Variants in MRPS35 observed in about 807,000 individuals in gnomAD.
MRPS35 encodes mitochondrial ribosomal protein S35, also known as small ribosomal subunit protein mS35.
In MRPS35, 29 loss-of-function variants were observed where a neutral mutation model predicts 32.7. The ratio of observed to expected loss-of-function variants is 0.89; its 90% CI spans 0.66 to 1.21. The LOEUF (loss-of-function observed/expected upper bound fraction) is 1.21, where lower values mean the gene tolerates loss of function less well. Among genes scored for constraint, MRPS35 ranks in the 50% most tolerant of loss-of-function variants. The pLI is 0.00. For synonymous variants in MRPS35, 148 were observed against 139.3 expected (o/e 1.06, Z -0.44); for missense variants, 373 against 383.8 (o/e 0.97, Z 0.23).
chr12:27,748,861 G>A (rs767842124), intron 7 of MRPS35, among the ~76,000 whole-genome samples: 2 of 152,070 alleles, frequency 1.3e-5, no homozygotes, highest in African/African-American at 2.4e-5. Context: ...GAGCTAAAAT[G>A]TTGATAGTAG....
intron 7 of MRPS35, among the ~76,000 whole-genome samples, chr12:27,754,422 T>G (rs1238840544): frequency 6.6e-6 from 1 of 152,172 alleles, no homozygotes; most frequent in African/African-American, 2.4e-5. Context: ...CTCATTATTT[T>G]TAATAATGAT....
intron 1 of MRPS35, among the ~76,000 whole-genome samples, chr12:27,714,075 C>CA (rs34481044): frequency 0.012 from 938 of 78,156 alleles, 9 homozygotes; most frequent in Middle Eastern, 0.026. Flanking sequence ...GACCTTGTCT[C>CA]AAAAAAAAAA....
rs184572872 is a variant in MRPS35 at position 27,739,784 on chromosome 12, C to G, written c.702+2176C>G. On this transcript the variant is annotated intron_variant, in intron 7 of 7. Transcript: ENST00000081029. ...TTTGACTTTCTTATTTTGCCAGTATCTATTAGAATGAATTTGCCCAGAAGG... is the reference window on the plus strand; with the variant it reads ...TTTGACTTTCTTATTTTGCCAGTATGTATTAGAATGAATTTGCCCAGAAGG... 5.3e-5 allele frequency among the ~76,000 whole-genome samples: 8 copies of G among 152,280 alleles called. No homozygotes were observed. The East Asian group carries it at 1.3e-3, about 26-fold the overall frequency.
At chr12:27,746,068 C>T (rs2061981205) in intron 7 of MRPS35, among the ~76,000 whole-genome samples, 1 of 152,120 alleles carries the variant, frequency 6.6e-6, no homozygotes, top group South Asian at 2.1e-4. Flanking sequence ...TATGTGGAAG[C>T]TTTTAAAACT....
At chr12:27,748,119 T>C (rs35320030) in intron 7 of MRPS35, among the ~76,000 whole-genome samples, 18,581 of 152,198 alleles carry the variant, frequency 0.12, 1,422 homozygotes, top group East Asian at 0.18. Context: ...TTCCTTCTCA[T>C]TGGCCTTCAT....
intron 7 of MRPS35, among the ~76,000 whole-genome samples, chr12:27,742,343 G>C (rs1565470418): frequency 6.6e-6 from 1 of 152,160 alleles, no homozygotes; most frequent in Non-Finnish European, 1.5e-5. Context: ...TAGTTCTTGT[G>C]TACAAGATAT....
Position 27,716,141 on chromosome 12 carries a change from G to A in MRPS35, c.154-150G>A, listed in dbSNP as rs1173630813. 3 of 620,442 alleles carry A rather than the reference G, an allele frequency of 4.8e-6. No homozygotes were observed. The East Asian group carries it at 9.1e-5, about 19-fold the overall frequency. 38.4% of individuals were successfully genotyped at this position (620,442 alleles called of 1,614,324 possible). ...TAGTGTTGTTTTTAAAATTTGGACA[G>A]CAGCAGCATTGTGGGAGGTCAGATT... is the stretch of plus-strand genomic sequence containing the variant. On this transcript the variant is annotated intron_variant, in intron 2 of 7. Transcript: ENST00000081029.
At chr12:27,739,881 A>G (rs878951190) in intron 7 of MRPS35, among the ~76,000 whole-genome samples, 39 of 152,230 alleles carry the variant, frequency 2.6e-4, no homozygotes, top group African/African-American at 9.2e-4. Context: ...TTAGAATCCA[A>G]ACAGGGTTGC....
At chr12:27,722,672 A>G (rs1041769027) in intron 4 of MRPS35, among the ~76,000 whole-genome samples, 2 of 152,072 alleles carry the variant, frequency 1.3e-5, no homozygotes, top group African/African-American at 4.8e-5. Flanking sequence ...AGCCTCAACA[A>G]TCTTGCTCTG....
At position 27,751,059 on chromosome 12, in the gene MRPS35, T is replaced by G. The variant is rs1318453533; in HGVS notation, c.703-4122T>G. Among the ~76,000 whole-genome samples, 18 of 117,222 alleles carry G rather than the reference T, an allele frequency of 1.5e-4. No homozygotes were observed. The Admixed American group carries it at 2.3e-3, about 15-fold the overall frequency. 76.9% of individuals were successfully genotyped at this position (117,222 alleles called of 152,430 possible). ...CGGAGGTTGCAGTGAGACGAGATCA[T>G]GGCACTGCACTTCAGCCTGGGTGAC... On this transcript the variant is annotated intron_variant, in intron 7 of 7. Transcript: ENST00000081029.
chr12:27,714,531 AG>A lies in MRPS35; in HGVS notation c.113-248del, dbSNP rs1447372372. On this transcript the variant is annotated intron_variant, in intron 1 of 7. Coordinates refer to ENST00000081029, the MANE Select transcript of MRPS35 (RefSeq NM_021821.4). ...AACTCCGGAGGTAGAGGTTGCAGTGAGCCGAGATCACACCACTGCAATCCAA... is the reference window on the plus strand; with the variant it reads ...AACTCCGGAGGTAGAGGTTGCAGTGACCGAGATCACACCACTGCAATCCAA... Among the ~76,000 whole-genome samples the A allele has an allele frequency of 2.0e-5, 3 of 151,140 alleles. No homozygotes were observed. In the East Asian group the frequency reaches 5.9e-4, roughly 30 times the overall value.
intron 1 of MRPS35, among the ~76,000 whole-genome samples, chr12:27,712,918 T>C (rs746864755): frequency 1.3e-5 from 2 of 152,158 alleles, no homozygotes; most frequent in Non-Finnish European, 2.9e-5. Context: ...CTCCAGAGGC[T>C]GAAGTGGGAG....
chr12:27,742,475 G>A (rs187621501), intron 7 of MRPS35, among the ~76,000 whole-genome samples: 1 of 152,344 alleles, frequency 6.6e-6, no homozygotes, highest in East Asian at 1.9e-4. Flanking sequence ...ACAGTGCTGT[G>A]AGAGCCACAG....
At chr12:27,711,062 C>G (rs998775562) in intron 1 of MRPS35, 107 bp downstream of exon 1, 36 of 980,696 alleles carry the variant, frequency 3.7e-5, no homozygotes, top group Non-Finnish European at 5.1e-5. Flanking sequence ...CCGGGGGAGG[C>G]CAGTGCGTCC....
intron 1 of MRPS35, among the ~76,000 whole-genome samples, chr12:27,714,075 CAAAAAAAAA>C (rs34481044): frequency 2.5e-5 from 2 of 78,596 alleles, no homozygotes; most frequent in Admixed American, 1.5e-4. Flanking sequence ...GACCTTGTCT[CAAAAAAAAA>C]AAAAAAAAAA....
At chr12:27,743,145 G>A (rs1591801862) in intron 7 of MRPS35, among the ~76,000 whole-genome samples, 1 of 152,018 alleles carries the variant, frequency 6.6e-6, no homozygotes, top group Non-Finnish European at 1.5e-5. Flanking sequence ...ACAAGTGTGA[G>A]CCACCACATC....
Position 27,755,559 on chromosome 12 carries a change from A to T in MRPS35, c.*109A>T. 1 of 1,118,154 alleles carries T rather than the reference A, an allele frequency of 8.9e-7. No individual in the cohort carries two copies. Among genetic ancestry groups the T allele is most frequent in the Non-Finnish European group, 1.2e-6 (1 of 820,262 alleles). 69.3% of individuals were successfully genotyped at this position (1,118,154 alleles called of 1,614,324 possible). ...TTAAAAAATCATTTTTTTTCCTCAG[A>T]GTTAAAATTATTTCCCTCATACTAA... is the stretch of plus-strand genomic sequence containing the variant. On this transcript the variant is annotated 3_prime_UTR_variant, in exon 8 of 8. Coordinates refer to ENST00000081029, the MANE Select transcript of MRPS35 (RefSeq NM_021821.4).
At chr12:27,740,859 C>T (rs1009108443) in intron 7 of MRPS35, among the ~76,000 whole-genome samples, 15 of 152,168 alleles carry the variant, frequency 9.9e-5, no homozygotes, top group African/African-American at 3.4e-4. Context: ...ATAAGAGACA[C>T]ATATTCACTG....
At chr12:27,747,338 C>T (rs1441038617) in intron 7 of MRPS35, among the ~76,000 whole-genome samples, 2 of 152,110 alleles carry the variant, frequency 1.3e-5, no homozygotes, top group Non-Finnish European at 2.9e-5. Flanking sequence ...TGCCTGTATA[C>T]GTGTCTGCTC....
Sources: gnomAD v4.1 joint callset for allele counts (sites outside exome capture counted in the v4.1 genomes callset) on GRCh38, gnomAD v4.1.1 for gene constraint, MANE v1.5 for transcripts, NCBI Gene and HGNC (gene_info 2026-07-23, HGNC 2026-07-21) for gene names.